The following DERL1 variants were observed in gnomAD, a reference collection of about 807,000 sequenced individuals.
The protein encoded by DERL1 is derlin 1.
Under a neutral mutation model 41.6 loss-of-function variants are expected in DERL1, and 24 were observed. The ratio of observed to expected loss-of-function variants is 0.58; its 90% CI spans 0.42 to 0.81. DERL1 has a LOEUF of 0.81. Ranked by LOEUF, DERL1 falls within the 30% of genes least tolerant of loss-of-function variation. The probability of loss-of-function intolerance (pLI) is 0.00; values close to 1 mark genes in which losing one functional copy is unlikely to be tolerated. For missense variants in DERL1, 260 were observed against 314.3 expected, an observed-to-expected ratio of 0.83 and a Z score of 1.31; for synonymous variants, 124 against 112.5, an observed-to-expected ratio of 1.10 and a Z score of -0.65.
chr8:123,021,519 T>A lies in DERL1; in HGVS notation c.454-20A>T. ...GCAGGCCTAGGATGGAATGAATATA[T>A]GCAAATGTGAGTAGCCACACCTGAC... On this transcript the variant is annotated intron_variant, in intron 5 of 7. Coordinates refer to ENST00000259512, the MANE Select transcript of DERL1 (RefSeq NM_024295.6). 2 of 1,611,412 alleles carry A rather than the reference T, an allele frequency of 1.2e-6. No individual in the cohort carries two copies. Among genetic ancestry groups the A allele is most frequent in the Non-Finnish European group, 1.7e-6 (2 of 1,177,624 alleles).
chr8:123,031,237 A>G (rs1812810445), intron 1 of DERL1, among the ~76,000 whole-genome samples: 2 of 152,166 alleles, frequency 1.3e-5, no homozygotes, highest in Non-Finnish European at 2.9e-5. Flanking sequence ...CAAACAAAAC[A>G]TAAGAAGGGT....
intron 6 of DERL1, among the ~76,000 whole-genome samples, chr8:123,020,861 G>A (rs1814744404): frequency 1.3e-5 from 2 of 150,840 alleles, no homozygotes; most frequent in African/African-American, 4.9e-5. Flanking sequence ...AGCTACTCGG[G>A]AGGCTGAGGT....
At chr8:123,037,143 G>A (rs970532811) in intron 1 of DERL1, among the ~76,000 whole-genome samples, 1 of 151,654 alleles carries the variant, frequency 6.6e-6, no homozygotes, top group African/African-American at 2.4e-5. Context: ...ATAAAAATTG[G>A]CAACTATTTT....
At position 123,030,967 on chromosome 8, in the gene DERL1, T is replaced by C. The variant is rs193163739; in HGVS notation, c.154-251A>G. Among the ~76,000 whole-genome samples, 72 of 152,294 alleles carry C rather than the reference T, an allele frequency of 4.7e-4. 1 individual carries two copies. The highest frequency in any genetic ancestry group is 1.6e-3 in the African/African-American group (67 of 41,560). On this transcript the variant is annotated intron_variant, in intron 1 of 7. Coordinates refer to ENST00000259512, the MANE Select transcript of DERL1 (RefSeq NM_024295.6). ...TATTTCTAAACAAGTTGAAACAAAATCAATACTATATGAGTATATGGTTAG... is the reference window on the plus strand; with the variant it reads ...TATTTCTAAACAAGTTGAAACAAAACCAATACTATATGAGTATATGGTTAG...
At chr8:123,024,317 G>C (rs1350831829) in intron 3 of DERL1, among the ~76,000 whole-genome samples, 1 of 152,164 alleles carries the variant, frequency 6.6e-6, no homozygotes, top group Non-Finnish European at 1.5e-5. Context: ...CCTCAAAGGA[G>C]GGGGGAAAGG....
chr8:123,024,206 A>C (rs1812630670), intron 3 of DERL1, among the ~76,000 whole-genome samples: 1 of 152,180 alleles, frequency 6.6e-6, no homozygotes, highest in Non-Finnish European at 1.5e-5. Flanking sequence ...TCTCCTTCAA[A>C]TAAAGGATGA....
Position 123,042,017 on chromosome 8 carries a change from G to A in DERL1, c.106C>T (p.Pro36Ser), listed in dbSNP as rs369452020. The change falls in exon 1 of 8, where the codon CCG becomes TCG. Residue 36 changes from proline to serine, a missense_variant. By Grantham distance (74) the Pro-to-Ser change is moderately conservative (BLOSUM62 -1). Transcript: ENST00000259512. The part of the protein sequence containing the change: ...PLVGKLGLIS[P>S]AYLFLWPEAF... ...TCGGGCCAGAGGAAGAGGTAGGCCG[G>A]GCTGATGAGGCCGAGTTTGCCGACC... is the stretch of plus-strand genomic sequence containing the variant. The A allele has an allele frequency of 5.0e-6, 8 of 1,613,852 alleles. No homozygotes were observed. The African/African-American group carries it at 9.3e-5, about 19-fold the overall frequency.
chr8:123,035,359 A>G (rs555324177), intron 1 of DERL1, among the ~76,000 whole-genome samples: 1 of 152,350 alleles, frequency 6.6e-6, no homozygotes, highest in South Asian at 2.1e-4. Context: ...ACAGTGTAAC[A>G]TATTTCGGAA....
chr8:123,031,252 A>G (rs1051298284), intron 1 of DERL1, among the ~76,000 whole-genome samples: 8 of 152,196 alleles, frequency 5.3e-5, no homozygotes, highest in African/African-American at 1.7e-4. Context: ...AAGGGTCTAA[A>G]GTAACAAGCA....
chr8:123,023,374 G>A (rs558886913), intron 4 of DERL1, among the ~76,000 whole-genome samples: 4 of 152,076 alleles, frequency 2.6e-5, no homozygotes, highest in Non-Finnish European at 5.9e-5. Context: ...TGGTGACATG[G>A]TGAAACCCCA....
intron 5 of DERL1, 107 bp downstream of exon 5, chr8:123,022,577 T>G: frequency 9.6e-7 from 1 of 1,038,780 alleles, no homozygotes; most frequent in Non-Finnish European, 1.5e-6. Flanking sequence ...TATGGTACAC[T>G]GCTCTGCAGT....
intron 4 of DERL1, 103 bp from the exon 5 acceptor site, chr8:123,022,882 T>C: frequency 1.2e-6 from 1 of 812,340 alleles, no homozygotes; most frequent in South Asian, 1.5e-5. Flanking sequence ...AATCCTCACC[T>C]GGGTAAAGGG....
At chr8:123,027,187 A>T (rs1272327514) in intron 2 of DERL1, among the ~76,000 whole-genome samples, 4 of 151,018 alleles carry the variant, frequency 2.6e-5, no homozygotes, top group African/African-American at 9.7e-5. Flanking sequence ...CCAGCTACTC[A>T]GGAGGCTGAG....
intron 2 of DERL1, 104 bp from the exon 3 acceptor site, chr8:123,025,154 A>G: frequency 8.3e-7 from 1 of 1,201,000 alleles, no homozygotes; most frequent in African/African-American, 1.6e-5. Context: ...CCAAAATGAG[A>G]ACATTTTAAA....
intron 7 of DERL1, chr8:123,018,654 TAAAA>T (rs1814651250): frequency 6.5e-6 from 1 of 152,778 alleles, no homozygotes; most frequent in Non-Finnish European, 1.5e-5. Context: ...CAGTAAACCC[TAAAA>T]GCAGATAAAG....
rs1024330236 is a variant in DERL1 at position 123,013,549 on chromosome 8, C to T, written c.*1898G>A. ...AACATAATCCAGACAAAATCAATAA[C>T]GTCATCAGCTTCCTAACCATGTTTA... On this transcript the variant is annotated 3_prime_UTR_variant, in exon 8 of 8. Transcript: ENST00000259512. 3.9e-5 allele frequency: 6 copies of T among 152,160 alleles called. No homozygotes were observed. The highest frequency in any genetic ancestry group is 1.9e-4 in the East Asian group (1 of 5,186). 9.4% of individuals were successfully genotyped at this position (152,160 alleles called of 1,614,324 possible).
At chr8:123,035,310 C>T (rs1205316548) in intron 1 of DERL1, among the ~76,000 whole-genome samples, 1 of 152,192 alleles carries the variant, frequency 6.6e-6, no homozygotes, top group Non-Finnish European at 1.5e-5. Context: ...AAATTATAAT[C>T]TGAAAACACC....
At chr8:123,025,709 A>T (rs1812669180) in intron 2 of DERL1, 1 of 152,326 alleles carries the variant, frequency 6.6e-6, no homozygotes, top group African/African-American at 2.4e-5. Context: ...GAGGGAATAA[A>T]GCGTCAGCCA....
At chr8:123,023,572 T>C (rs1254078472) in intron 4 of DERL1, 141 bp downstream of exon 4, 20 of 741,160 alleles carry the variant, frequency 2.7e-5, no homozygotes, top group Middle Eastern at 6.1e-4. Context: ...AATAAATAAA[T>C]AAAACAGCTG....
Sources: gnomAD v4.1 joint callset for allele counts (sites outside exome capture counted in the v4.1 genomes callset) on GRCh38, gnomAD v4.1.1 for gene constraint, MANE v1.5 for transcripts, NCBI Gene and HGNC (gene_info 2026-07-23, HGNC 2026-07-21) for gene names.